The following HECW1 variants were observed in gnomAD, a reference collection of about 807,000 sequenced individuals.
The protein encoded by HECW1 is HECT, C2 and WW domain containing E3 ubiquitin protein ligase 1.
HECW1 carries 61 observed loss-of-function variants against 182.3 expected under a neutral mutation model. That is an observed-to-expected ratio of 0.33 (90% CI 0.27 to 0.41). The LOEUF (loss-of-function observed/expected upper bound fraction) is 0.41. HECW1 is among the 10% of genes least tolerant of loss of function. The pLI is 1.00. For missense variants in HECW1, 1,739 were observed against 2,108.9 expected, an observed-to-expected ratio of 0.82 and a Z score of 3.44; for synonymous variants, 859 against 832.6, an observed-to-expected ratio of 1.03 and a Z score of -0.55.
chr7:43,454,577 C>T (rs1359342438), intron 12 of HECW1, among the ~76,000 whole-genome samples: 1 of 152,178 alleles, frequency 6.6e-6, no homozygotes, highest in Non-Finnish European at 1.5e-5. Context: ...AATCTGCCTA[C>T]ATTTTTCCTT....
intron 2 of HECW1, among the ~76,000 whole-genome samples, chr7:43,188,779 C>A (rs1036795666): frequency 1.3e-5 from 2 of 152,174 alleles, no homozygotes; most frequent in Non-Finnish European, 2.9e-5. Flanking sequence ...AAGAGCAATC[C>A]TGCAAGTGGC....
intron 5 of HECW1, among the ~76,000 whole-genome samples, chr7:43,325,816 G>C (rs1055061289): frequency 1.3e-5 from 2 of 152,176 alleles, no homozygotes; most frequent in Non-Finnish European, 2.9e-5. Context: ...TTCCTCGTGT[G>C]GAAACCTGGC....
intron 17 of HECW1, among the ~76,000 whole-genome samples, chr7:43,481,054 G>A (rs1024448740): frequency 6.6e-6 from 1 of 152,146 alleles, no homozygotes; most frequent in South Asian, 2.1e-4. Flanking sequence ...CTGAAAGCAT[G>A]CTAAATCTTT....
In HECW1 at chr7:43,112,672, GA is replaced by G. The variant is rs1784711812; in HGVS notation, c.-530del. 1 of 229,764 alleles carries G rather than the reference GA, an allele frequency of 4.4e-6. No homozygotes were observed. Among genetic ancestry groups the G allele is most frequent in the South Asian group, 1.8e-4 (1 of 5,500 alleles). The allele number at this position is 229,764 out of a possible 1,614,324, so 14.2% of individuals were successfully genotyped here. ...GCATCAGGCGCTGTTGTTGGAGCCG[GA>G]ACACCGTGCGACTCTGACCGAACCG... On this transcript the variant is annotated 5_prime_UTR_variant, in exon 1 of 30. Coordinates refer to ENST00000395891, the MANE Select transcript of HECW1 (RefSeq NM_015052.5).
At chr7:43,120,200 T>C (rs1004424231) in intron 2 of HECW1, among the ~76,000 whole-genome samples, 8 of 152,164 alleles carry the variant, frequency 5.3e-5, no homozygotes, top group Admixed American at 6.5e-5. Context: ...GAGTCCCCAG[T>C]TGTCCTTGCT....
chr7:43,214,161 A>G (rs561241378), intron 2 of HECW1, among the ~76,000 whole-genome samples: 1 of 151,914 alleles, frequency 6.6e-6, no homozygotes, highest in East Asian at 1.9e-4. Flanking sequence ...TTTTTCATAT[A>G]TATTTCTCTC....
At chr7:43,380,862 G>A (rs1447811532) in intron 6 of HECW1, among the ~76,000 whole-genome samples, 2 of 152,006 alleles carry the variant, frequency 1.3e-5, no homozygotes, top group Admixed American at 1.3e-4. Context: ...ATATAATTAG[G>A]GTGAAATTAT....
At chr7:43,341,902 T>C in intron 5 of HECW1, among the ~76,000 whole-genome samples, 1 of 151,816 alleles carries the variant, frequency 6.6e-6, no homozygotes, top group East Asian at 1.9e-4. Context: ...TACAAAAATA[T>C]CATTTGAGTA....
chr7:43,244,937 G>A (rs1285076255), intron 3 of HECW1, among the ~76,000 whole-genome samples: 1 of 152,224 alleles, frequency 6.6e-6, no homozygotes, highest in East Asian at 1.9e-4. Flanking sequence ...GCGTCAGCGG[G>A]CGGGAAGATG....
At chr7:43,206,257 G>A (rs986636006) in intron 2 of HECW1, among the ~76,000 whole-genome samples, 1 of 152,162 alleles carries the variant, frequency 6.6e-6, no homozygotes, top group Non-Finnish European at 1.5e-5. Flanking sequence ...CACCAGGAAC[G>A]CGGCAGCTGA....
intron 2 of HECW1, among the ~76,000 whole-genome samples, chr7:43,180,053 C>A (rs1285187815): frequency 6.9e-6 from 1 of 144,936 alleles, no homozygotes; most frequent in East Asian, 2.3e-4. Context: ...AGGAGTTTCA[C>A]AACTGCACTT....
At chr7:43,303,918 A>G (rs769223780) in intron 3 of HECW1, among the ~76,000 whole-genome samples, 10 of 152,118 alleles carry the variant, frequency 6.6e-5, no homozygotes, top group Non-Finnish European at 1.3e-4. Context: ...AAATCTCAGG[A>G]TGTGAGAGGG....
chr7:43,531,540 C>T (rs1232727047), intron 24 of HECW1, among the ~76,000 whole-genome samples: 2 of 152,128 alleles, frequency 1.3e-5, no homozygotes, highest in Non-Finnish European at 2.9e-5. Context: ...CATGTCATGC[C>T]CTCCTCCACT....
chr7:43,442,652 G>A (rs554950529), intron 10 of HECW1, 23 bp downstream of exon 10: 14 of 1,499,486 alleles, frequency 9.3e-6, no homozygotes, highest in Non-Finnish European at 1.1e-5. Flanking sequence ...TGAACTTCAT[G>A]TCTTGTCCTA....
At chr7:43,166,035 A>G (rs187881502) in intron 2 of HECW1, among the ~76,000 whole-genome samples, 4 of 152,226 alleles carry the variant, frequency 2.6e-5, no homozygotes, top group Admixed American at 1.3e-4. Context: ...TGAATTGGAC[A>G]TGGTTAAAAG....
chr7:43,390,547 AAC>A (rs1206181718), intron 6 of HECW1, among the ~76,000 whole-genome samples: 63 of 150,774 alleles, frequency 4.2e-4, no homozygotes, highest in Middle Eastern at 3.5e-3. Context: ...TAAAAAAAAA[AAC>A]AAAAAAAAAA....
chr7:43,186,025 A>G (rs1426840778), intron 2 of HECW1, among the ~76,000 whole-genome samples: 1 of 152,150 alleles, frequency 6.6e-6, no homozygotes, highest in Non-Finnish European at 1.5e-5. Context: ...GGATGGGCCT[A>G]TACTACTCAG....
At chr7:43,194,844 C>T (rs897007366) in intron 2 of HECW1, among the ~76,000 whole-genome samples, 1 of 152,124 alleles carries the variant, frequency 6.6e-6, no homozygotes, top group Admixed American at 6.5e-5. Context: ...CAGGCGCCTG[C>T]CCCCACACCT....
intron 2 of HECW1, among the ~76,000 whole-genome samples, chr7:43,213,084 G>A (rs1796140421): frequency 6.6e-6 from 1 of 151,944 alleles, no homozygotes; most frequent in African/African-American, 2.4e-5. Flanking sequence ...GTTAATCTAT[G>A]TATTTCTCGG....
Sources: allele counts gnomAD v4.1 joint callset (sites outside exome capture counted in the v4.1 genomes callset), GRCh38; gene constraint gnomAD v4.1.1; transcripts MANE v1.5; gene names NCBI Gene and HGNC (gene_info 2026-07-23, HGNC 2026-07-21).